Variants in MAN2A1 observed in about 807,000 individuals in gnomAD.
The protein encoded by MAN2A1 is mannosidase alpha class 2A member 1.
MAN2A1 carries 76 observed loss-of-function variants against 142.6 expected under a neutral mutation model. The ratio of observed to expected loss-of-function variants is 0.53; its 90% confidence interval spans 0.44 to 0.65. The LOEUF (loss-of-function observed/expected upper bound fraction) is 0.65, where lower values mean the gene tolerates loss of function less well. Ranked by LOEUF, MAN2A1 falls within the 30% of genes least tolerant of loss-of-function variation. The probability of loss-of-function intolerance (pLI) is 0.00; values close to 1 mark genes in which losing one functional copy is unlikely to be tolerated. For missense variants in MAN2A1, 1,311 were observed against 1,365.1 expected (o/e 0.96, Z 0.62); for synonymous variants, 559 against 473.2 (o/e 1.18, Z -2.35).
intron 4 of MAN2A1, among the ~76,000 whole-genome samples, chr5:109,747,704 T>C (rs1752443559): frequency 6.6e-6 from 1 of 152,160 alleles, no homozygotes; most frequent in African/African-American, 2.4e-5. Context: ...TTCCCCAAAT[T>C]GTTTTAGAAC....
intron 3 of MAN2A1, among the ~76,000 whole-genome samples, chr5:109,724,149 A>G (rs1751680317): frequency 6.6e-6 from 1 of 152,216 alleles, no homozygotes; most frequent in South Asian, 2.1e-4. Context: ...CCATAAGTAT[A>G]TGACTAGAAG....
intron 12 of MAN2A1, among the ~76,000 whole-genome samples, chr5:109,801,203 C>G (rs1754021941): frequency 6.6e-6 from 1 of 152,170 alleles, no homozygotes; most frequent in Non-Finnish European, 1.5e-5. Context: ...GTCCAGGCTG[C>G]TTTTACCTGT....
intron 1 of MAN2A1, among the ~76,000 whole-genome samples, chr5:109,701,381 C>A (rs185267498): frequency 2.0e-5 from 3 of 152,046 alleles, no homozygotes; most frequent in Admixed American, 1.3e-4. Context: ...ATCTTTGGTG[C>A]CTGTGAAGAG....
chr5:109,774,877 A>G lies in MAN2A1; in HGVS notation c.1286A>G (p.Tyr429Cys), dbSNP rs139853677. 6.2e-7 allele frequency: 1 copy of G among 1,611,930 alleles called. No individual in the cohort carries two copies. Among genetic ancestry groups the G allele is most frequent in the Non-Finnish European group, 8.5e-7 (1 of 1,178,522 alleles). The change falls in exon 8 of 22, where the codon TAC (tyrosine) becomes TGC (cysteine). Residue 429 changes from tyrosine (Y) to cysteine (C), a missense_variant. Tyr to Cys is a radical substitution (Grantham distance 194). This residue lies in a region of MAN2A1 where 890 missense variants were observed against 920.5 expected (regional missense o/e 0.97). Transcript: ENST00000261483. Reference sequence around the variant, plus strand: ...GCTCCACTAGGAGATGATTTCCGCTACTGTGAATACACGGAATGGGATTTA... The same window carrying G: ...GCTCCACTAGGAGATGATTTCCGCTGCTGTGAATACACGGAATGGGATTTA... Reference protein sequence around the residue: ...LLAPLGDDFRYCEYTEWDLQF... With the variant: ...LLAPLGDDFRCCEYTEWDLQF...
intron 1 of MAN2A1, among the ~76,000 whole-genome samples, chr5:109,691,398 G>A (rs138945560): frequency 3.1e-4 from 47 of 152,322 alleles, no homozygotes; most frequent in Admixed American, 7.2e-4. Context: ...TTCAGAAATT[G>A]CGGTGAAACT....
intron 12 of MAN2A1, among the ~76,000 whole-genome samples, chr5:109,802,800 T>C (rs1220172814): frequency 3.3e-5 from 5 of 152,068 alleles, no homozygotes; most frequent in Non-Finnish European, 5.9e-5. Context: ...GTGTTGTAGC[T>C]TCCTAATTAT....
chr5:109,804,653 A>C, intron 12 of MAN2A1, among the ~76,000 whole-genome samples: 1 of 152,108 alleles, frequency 6.6e-6, no homozygotes, highest in Admixed American at 6.5e-5. Flanking sequence ...GAAAGTAGAA[A>C]GTGGTTTGTG....
At chr5:109,820,181 A>G (rs1271976377) in intron 14 of MAN2A1, 39 bp from the exon 15 acceptor site, 2 of 1,536,590 alleles carry the variant, frequency 1.3e-6, no homozygotes, top group East Asian at 2.3e-5. Context: ...TTAACATCTT[A>G]GTGGTGAGTT....
intron 10 of MAN2A1, among the ~76,000 whole-genome samples, chr5:109,787,173 G>A (rs977459309): frequency 2.0e-5 from 3 of 151,996 alleles, no homozygotes; most frequent in African/African-American, 7.2e-5. Flanking sequence ...AAATGGTAAT[G>A]AGGTCATTTA....
chr5:109,823,868 T>A, intron 16 of MAN2A1, 31 bp downstream of exon 16: 1 of 1,118,196 alleles, frequency 8.9e-7, no homozygotes, highest in Non-Finnish European at 1.3e-6. Flanking sequence ...TTATGAAACA[T>A]ATGTATTATG....
intron 3 of MAN2A1, among the ~76,000 whole-genome samples, chr5:109,726,493 G>A (rs1262941496): frequency 2.0e-5 from 3 of 152,024 alleles, no homozygotes; most frequent in African/African-American, 7.2e-5. Context: ...TTTATGGAAC[G>A]CTTTCAGGTT....
At chr5:109,817,590 C>T (rs1259034099) in intron 13 of MAN2A1, 152 bp downstream of exon 13, 1 of 659,256 alleles carries the variant, frequency 1.5e-6, no homozygotes, top group Non-Finnish European at 2.6e-6. Context: ...ACTGGTGGGT[C>T]AAATGACACT....
intron 15 of MAN2A1, 35 bp from the exon 16 acceptor site, chr5:109,823,661 CATATTCTTTTAAAAGTTTGGAAGCCAA>C (rs1469882260): frequency 3.6e-6 from 3 of 829,514 alleles, no homozygotes; most frequent in Non-Finnish European, 6.1e-6. Flanking sequence ...CCATAATAAA[CATATTCTTTTAAAAGTTTGGAAGCCAA>C]AATATTTTTC....
intron 1 of MAN2A1, among the ~76,000 whole-genome samples, chr5:109,698,497 T>C (rs933498017): frequency 6.6e-6 from 1 of 151,124 alleles, no homozygotes; most frequent in Non-Finnish European, 1.5e-5. Context: ...GTAATGCGTC[T>C]CATCGAGTAG....
chr5:109,797,026 A>G (rs1455324194), intron 12 of MAN2A1, among the ~76,000 whole-genome samples: 1 of 152,168 alleles, frequency 6.6e-6, no homozygotes, highest in African/African-American at 2.4e-5. Context: ...TAAACTAACT[A>G]CGTTAGAGAA....
chr5:109,761,937 A>G (rs997776533), intron 5 of MAN2A1, among the ~76,000 whole-genome samples: 17 of 152,216 alleles, frequency 1.1e-4, no homozygotes, highest in African/African-American at 3.9e-4. Context: ...AGAATTGTAT[A>G]TAGTATTCTT....
At chr5:109,711,216 C>G (rs1034226673) in intron 1 of MAN2A1, among the ~76,000 whole-genome samples, 2 of 152,090 alleles carry the variant, frequency 1.3e-5, no homozygotes, top group Non-Finnish European at 2.9e-5. Context: ...GTACTGCTGG[C>G]GAGATGAATC....
chr5:109,804,592 T>A (rs1405145768), intron 12 of MAN2A1, among the ~76,000 whole-genome samples: 1 of 152,126 alleles, frequency 6.6e-6, no homozygotes, highest in Admixed American at 6.6e-5. Context: ...TTCATTGGGT[T>A]GTATAGTAGG....
Position 109,845,916 on chromosome 5 carries a change from C to T in MAN2A1, c.2752C>T (p.Pro918Ser), listed in dbSNP as rs774526576. ...SKLPLQANVYPMTTMAYIQDA... is the reference protein window; with the variant it reads ...SKLPLQANVYSMTTMAYIQDA... ...ATTGCCTCTTCAAGCAAATGTCTAT[C>T]CCATGACCACAATGGCCTATATCCA... The change falls in exon 18 of 22, where the codon CCC (proline) becomes TCC (serine). Residue 918 changes from proline (P) to serine (S), a missense_variant. Physicochemically the swap from Pro to Ser is moderately conservative, Grantham distance 74. Transcript: ENST00000261483. The T allele has an allele frequency of 6.2e-7, 1 of 1,613,658 alleles. No individual in the cohort carries two copies.
Sources: gnomAD v4.1 joint callset for allele counts (sites outside exome capture counted in the v4.1 genomes callset) on GRCh38, gnomAD v4.1.1 for gene constraint, gnomAD v4.1.1 regional missense constraint, MANE v1.5 for transcripts, NCBI Gene and HGNC (gene_info 2026-07-23, HGNC 2026-07-21) for gene names.